The following CLIP4 variants were observed in gnomAD, a reference collection of about 807,000 sequenced individuals.
The protein encoded by CLIP4 is CAP-Gly domain-containing linker protein 4.
CLIP4 carries 47 observed loss-of-function variants against 73.1 expected under a neutral mutation model. The ratio of observed to expected loss-of-function variants is 0.64; its 90% confidence interval spans 0.51 to 0.82. CLIP4 has a LOEUF of 0.82. Among genes scored for constraint, CLIP4 ranks in the 40% least tolerant of loss-of-function variants. The pLI, the probability that CLIP4 is intolerant of heterozygous loss-of-function variation, is 0.00. For missense variants in CLIP4, 874 were observed against 852.9 expected, an observed-to-expected ratio of 1.02 and a Z score of -0.31; for synonymous variants, 306 against 295.4, an observed-to-expected ratio of 1.04 and a Z score of -0.37.
intron 2 of CLIP4, among the ~76,000 whole-genome samples, chr2:29,127,474 A>G (rs541772010): frequency 6.6e-6 from 1 of 152,318 alleles, no homozygotes; most frequent in East Asian, 1.9e-4. Context: ...AAATTGCTGT[A>G]AGTTGTAGGT....
chr2:29,105,374 A>G (rs1008227498), intron 1 of CLIP4, among the ~76,000 whole-genome samples: 50 of 152,224 alleles, frequency 3.3e-4, no homozygotes, highest in African/African-American at 1.2e-3. Flanking sequence ...AGTTTTTTAT[A>G]TGCCTTTAAT....
Position 29,152,593 on chromosome 2 carries a change from T to G in CLIP4, c.1022-92T>G, listed in dbSNP as rs1001589585. 4 of 1,341,750 alleles carry G rather than the reference T, an allele frequency of 3.0e-6. No homozygotes were observed. In the African/African-American group the frequency reaches 5.9e-5, roughly 20 times the overall value. 83.1% of individuals were successfully genotyped at this position (1,341,750 alleles called of 1,614,324 possible). On this transcript the variant is annotated intron_variant, in intron 8 of 15. Transcript: ENST00000320081. ...ACATGCAGTGGGCACTAAAGGTTTA[T>G]ATTAAAGATTTATGTTACTAATTAG...
intron 1 of CLIP4, among the ~76,000 whole-genome samples, chr2:29,100,234 C>T (rs1271188218): frequency 1.3e-5 from 2 of 152,048 alleles, no homozygotes; most frequent in Admixed American, 6.5e-5. Context: ...CTGGCCACAA[C>T]TGACTTTGGT....
At chr2:29,171,726 G>A (rs1446076704) in intron 14 of CLIP4, among the ~76,000 whole-genome samples, 1 of 151,970 alleles carries the variant, frequency 6.6e-6, no homozygotes, top group Non-Finnish European at 1.5e-5. Flanking sequence ...CACTATGTTA[G>A]CCAGGGTGGT....
chr2:29,157,450 C>T (rs1335449160), intron 11 of CLIP4, 103 bp downstream of exon 11: 1 of 1,581,546 alleles, frequency 6.3e-7, no homozygotes, highest in Non-Finnish European at 8.7e-7. Flanking sequence ...CCCTTTACTT[C>T]AATCAGATTG....
rs1317482150 is a variant in CLIP4 at position 29,174,371 on chromosome 2, A to G, written c.1724-2A>G. The stretch of plus-strand genomic sequence containing the variant: ...TCTGCTAACCCCAACTTTCATATTT[A>G]GGTTTTAGGAGAAGTTTTAGCACAA... On this transcript the variant is annotated splice_acceptor_variant, in intron 14 of 15. Transcript: ENST00000320081. LOFTEE classifies it high-confidence loss of function. The G allele has an allele frequency of 1.2e-6, 2 of 1,606,922 alleles. No individual in the cohort carries two copies. Among genetic ancestry groups the G allele is most frequent in the Non-Finnish European group, 8.5e-7 (1 of 1,177,970 alleles).
intron 1 of CLIP4, among the ~76,000 whole-genome samples, chr2:29,118,703 A>G (rs571209275): frequency 2.0e-5 from 3 of 151,954 alleles, no homozygotes; most frequent in Admixed American, 2.0e-4. Context: ...TATTTTTAGT[A>G]GAGATGGGGT....
chr2:29,158,982 C>T (rs1047301663), intron 11 of CLIP4, among the ~76,000 whole-genome samples: 1 of 152,100 alleles, frequency 6.6e-6, no homozygotes, highest in African/African-American at 2.4e-5. Flanking sequence ...TGTCTACAGG[C>T]GACAAGGGGA....
chr2:29,098,727 T>C (rs1297480344), intron 1 of CLIP4, among the ~76,000 whole-genome samples: 1 of 152,244 alleles, frequency 6.6e-6, no homozygotes, highest in Non-Finnish European at 1.5e-5. Flanking sequence ...GGTAAATGCC[T>C]AGGAGCATGA....
At chr2:29,133,088 C>T (rs1229110517) in intron 4 of CLIP4, among the ~76,000 whole-genome samples, 4 of 151,914 alleles carry the variant, frequency 2.6e-5, no homozygotes, top group Admixed American at 1.3e-4. Flanking sequence ...CTTGCGAGGC[C>T]GAGGTGGGAG....
chr2:29,149,660 C>T (rs574684961), intron 8 of CLIP4, among the ~76,000 whole-genome samples: 30 of 150,820 alleles, frequency 2.0e-4, no homozygotes, highest in African/African-American at 4.9e-4. Flanking sequence ...TAATAGAGGC[C>T]GCCCATATGC....
chr2:29,110,554 A>G (rs1418317169), upstream of CLIP4, among the ~76,000 whole-genome samples: 2 of 152,214 alleles, frequency 1.3e-5, no homozygotes, highest in Admixed American at 6.5e-5. Context: ...GAAGGGTTCC[A>G]TTTTGAACAT....
chr2:29,119,321 G>C (rs779840677), intron 1 of CLIP4, among the ~76,000 whole-genome samples: 6 of 152,088 alleles, frequency 3.9e-5, no homozygotes, highest in Non-Finnish European at 4.4e-5. Flanking sequence ...AGTTGTGTAC[G>C]ATAGAGTTCG....
At chr2:29,176,894 C>T (rs1668375728) in intron 15 of CLIP4, among the ~76,000 whole-genome samples, 1 of 152,182 alleles carries the variant, frequency 6.6e-6, no homozygotes, top group African/African-American at 2.4e-5. Context: ...ATCCAGTTGG[C>T]CACAGGTCTG....
Position 29,181,865 on chromosome 2 carries a change from G to C in CLIP4, c.2090G>C (p.Gly697Ala). ...PSRVTYRGIN[G>A]SKLVDENC ...AGAGTGACCTATCGGGGAATTAATG[G>C]GTCAAAACTTGTGGATGAGAATTGT... Residue 697 changes from glycine to alanine, a missense_variant, in exon 16 of 16, where the codon GGG (glycine) becomes GCG (alanine). Physicochemically the swap from Gly to Ala is moderately conservative, Grantham distance 60 (BLOSUM62 0). Transcript: ENST00000320081. The C allele has an allele frequency of 6.2e-7, 1 of 1,609,238 alleles. No individual in the cohort carries two copies. The highest frequency in any genetic ancestry group is 8.5e-7 in the Non-Finnish European group (1 of 1,176,826).
At chr2:29,142,173 C>T (rs952170600) in intron 6 of CLIP4, among the ~76,000 whole-genome samples, 4 of 151,042 alleles carry the variant, frequency 2.6e-5, no homozygotes, top group Non-Finnish European at 4.4e-5. Context: ...CTCCCTTAAT[C>T]GTCTTTTATA....
intron 6 of CLIP4, among the ~76,000 whole-genome samples, chr2:29,139,771 T>C (rs931592289): frequency 4.6e-5 from 7 of 152,178 alleles, no homozygotes; most frequent in Non-Finnish European, 1.0e-4. Context: ...TTTTCTAGTT[T>C]ATGTGAATAG....
chr2:29,148,227 G>A (rs1440884511), intron 8 of CLIP4, among the ~76,000 whole-genome samples: 1 of 152,182 alleles, frequency 6.6e-6, no homozygotes, highest in Non-Finnish European at 1.5e-5. Context: ...GGAGGGGAGG[G>A]GAGTTGGGGA....
rs1663753282 is a variant in CLIP4, at chr2:29,115,746, G to A, written c.-16+81G>A. The A allele has an allele frequency of 1.3e-5, 2 of 149,982 alleles. No individual in the cohort carries two copies. Among genetic ancestry groups the A allele is most frequent in the African/African-American group, 2.4e-5 (1 of 41,266 alleles). 9.3% of individuals were successfully genotyped at this position (149,982 alleles called of 1,614,324 possible). ...TGGGGCCGGGGTGGGCGGCCCTGGG[G>A]GCCCGCGGGGAGGTCAGTGGCCCCG... On this transcript the variant is annotated intron_variant, in intron 1 of 15. Coordinates refer to ENST00000320081, the MANE Select transcript of CLIP4 (RefSeq NM_024692.6). This position sits in a 1 kb window ranked among gnomAD's most constrained non-coding sequence, Gnocchi z 5.1.
Sources: allele counts gnomAD v4.1 joint callset (sites outside exome capture counted in the v4.1 genomes callset), GRCh38; gene constraint gnomAD v4.1.1; non-coding constraint Gnocchi (gnomAD v3.1); transcripts MANE v1.5; gene names NCBI Gene and HGNC (gene_info 2026-07-23, HGNC 2026-07-21).